ARFIP1: variants seen among roughly 807,000 people sequenced by gnomAD.
ARFIP1 encodes the protein ARF interacting protein 1.
In ARFIP1, 24 loss-of-function variants were observed where a neutral mutation model predicts 42.5. That is an observed-to-expected ratio of 0.57 (90% confidence interval 0.41 to 0.80). The LOEUF (loss-of-function observed/expected upper bound fraction) is 0.80, where lower values mean the gene tolerates loss of function less well. Ranked by LOEUF, ARFIP1 falls within the 30% of genes least tolerant of loss-of-function variation. The pLI, the probability that ARFIP1 is intolerant of heterozygous loss-of-function variation, is 0.00. For missense variants in ARFIP1, 354 were observed against 434.0 expected (o/e 0.82, Z 1.64); for synonymous variants, 141 against 153.7 (o/e 0.92, Z 0.61).
chr4:152,788,168 G>T (rs1730921380), intron 1 of ARFIP1, among the ~76,000 whole-genome samples: 1 of 152,192 alleles, frequency 6.6e-6, no homozygotes, highest in African/African-American at 2.4e-5. Flanking sequence ...GGAGGCAGAG[G>T]TTGCAGTGAG....
chr4:152,859,129 T>C (rs1163396004), intron 2 of ARFIP1, among the ~76,000 whole-genome samples: 2 of 152,200 alleles, frequency 1.3e-5, no homozygotes, highest in Admixed American at 6.5e-5. Flanking sequence ...GTCGCACCAA[T>C]TGGCTCACTG....
intron 5 of ARFIP1, among the ~76,000 whole-genome samples, chr4:152,876,424 T>C (rs1393977890): frequency 6.6e-6 from 1 of 152,202 alleles, no homozygotes; most frequent in Non-Finnish European, 1.5e-5. Flanking sequence ...ACTTTGAACC[T>C]GAGAGAGATG....
intron 2 of ARFIP1, among the ~76,000 whole-genome samples, chr4:152,853,905 CTTTTTTTTT>C (rs36055484): frequency 1.3e-5 from 1 of 74,740 alleles, no homozygotes; most frequent in African/African-American, 5.5e-5. Flanking sequence ...TTCTGAGATT[CTTTTTTTTT>C]TTTTTTTTTT....
At chr4:152,858,017 CCT>C (rs1733578811) in intron 2 of ARFIP1, among the ~76,000 whole-genome samples, 1 of 152,060 alleles carries the variant, frequency 6.6e-6, no homozygotes, top group African/African-American at 2.4e-5. Flanking sequence ...ATAAGCCACC[CCT>C]GTTGGGTCAC....
intron 2 of ARFIP1, among the ~76,000 whole-genome samples, chr4:152,834,256 G>T (rs1731473063): frequency 6.6e-6 from 1 of 152,132 alleles, no homozygotes; most frequent in South Asian, 2.1e-4. Context: ...TTCAACATGG[G>T]ATTTGGAGGG....
At chr4:152,824,950 A>G (rs1730700443) in intron 1 of ARFIP1, among the ~76,000 whole-genome samples, 1 of 151,876 alleles carries the variant, frequency 6.6e-6, no homozygotes, top group African/African-American at 2.4e-5. Flanking sequence ...ATTGATATAT[A>G]TATACACACA....
At chr4:152,835,709 C>G (rs1250697821) in intron 2 of ARFIP1, among the ~76,000 whole-genome samples, 2 of 152,304 alleles carry the variant, frequency 1.3e-5, no homozygotes, top group African/African-American at 4.8e-5. Flanking sequence ...TATCAATTTT[C>G]TGTGTTAGTC....
At chr4:152,890,347 C>T (rs571464678) in intron 8 of ARFIP1, among the ~76,000 whole-genome samples, 43 of 152,084 alleles carry the variant, frequency 2.8e-4, no homozygotes, top group Non-Finnish European at 4.1e-4. Context: ...AGAGCCAGGT[C>T]GTCTCTATAA....
At chr4:152,802,179 A>G (rs1467636684) in intron 1 of ARFIP1, among the ~76,000 whole-genome samples, 1 of 152,210 alleles carries the variant, frequency 6.6e-6, no homozygotes, top group South Asian at 2.1e-4. Context: ...GAATAATTTC[A>G]TCTGACACAG....
intron 2 of ARFIP1, among the ~76,000 whole-genome samples, chr4:152,837,237 CAT>C (rs557746430): frequency 9.7e-4 from 147 of 152,264 alleles, no homozygotes; most frequent in Admixed American, 2.4e-3. Flanking sequence ...CCACTATAAA[CAT>C]GTGTGTGCAA....
chr4:152,885,401 G>T (rs1322838360), intron 7 of ARFIP1, among the ~76,000 whole-genome samples: 2 of 152,034 alleles, frequency 1.3e-5, no homozygotes, highest in Non-Finnish European at 2.9e-5. Context: ...CTCCACAGCA[G>T]CACCAACAAG....
chr4:152,824,086 G>C (rs906992143), intron 1 of ARFIP1, among the ~76,000 whole-genome samples: 18 of 151,996 alleles, frequency 1.2e-4, no homozygotes, highest in African/African-American at 4.4e-4. Flanking sequence ...GCCAAGGCGG[G>C]TGGATCACTT....
chr4:152,824,534 A>G (rs1730659082), intron 1 of ARFIP1, among the ~76,000 whole-genome samples: 1 of 152,206 alleles, frequency 6.6e-6, no homozygotes, highest in Non-Finnish European at 1.5e-5. Flanking sequence ...GCATAGAAGG[A>G]ACATACCTCA....
At chr4:152,798,111 A>G (rs557017050) in intron 1 of ARFIP1, among the ~76,000 whole-genome samples, 2 of 152,246 alleles carry the variant, frequency 1.3e-5, no homozygotes, top group South Asian at 2.1e-4. Flanking sequence ...TTAGCTGGGC[A>G]TTGTGGCAGG....
chr4:152,823,460 T>A (rs1227760767), intron 1 of ARFIP1, among the ~76,000 whole-genome samples: 1 of 152,164 alleles, frequency 6.6e-6, no homozygotes, highest in African/African-American at 2.4e-5. Flanking sequence ...TGGAGACAGC[T>A]GAATTCTACC....
chr4:152,849,185 C>A (rs942563380), intron 2 of ARFIP1, among the ~76,000 whole-genome samples: 8 of 152,064 alleles, frequency 5.3e-5, no homozygotes, highest in African/African-American at 1.9e-4. Flanking sequence ...GTTGAAAATA[C>A]AATTCATAAT....
chr4:152,787,307 A>G (rs1730866872), intron 1 of ARFIP1, among the ~76,000 whole-genome samples: 1 of 152,238 alleles, frequency 6.6e-6, no homozygotes, highest in South Asian at 2.1e-4. Flanking sequence ...GAAATCCAAA[A>G]TGCTGCAAAA....
chr4:152,795,247 GAACAT>G (rs1731371195), intron 1 of ARFIP1, among the ~76,000 whole-genome samples: 1 of 151,988 alleles, frequency 6.6e-6, no homozygotes, highest in South Asian at 2.1e-4. Context: ...ATTCTTACAT[GAACAT>G]AACATACCAT....
At chr4:152,901,625 G>A (rs1264722053) in intron 8 of ARFIP1, among the ~76,000 whole-genome samples, 2 of 152,100 alleles carry the variant, frequency 1.3e-5, no homozygotes, top group African/African-American at 2.4e-5. Flanking sequence ...CAAATTTGCC[G>A]CCATTCCATT....
Sources: gnomAD v4.1 joint callset for allele counts (sites outside exome capture counted in the v4.1 genomes callset) on GRCh38, gnomAD v4.1.1 for gene constraint, MANE v1.5 for transcripts, NCBI Gene and HGNC (gene_info 2026-07-23, HGNC 2026-07-21) for gene names.